NINJ2: variants seen among roughly 807,000 people sequenced by gnomAD.
NINJ2 encodes ninjurin 2.
In NINJ2, 12 loss-of-function variants were observed where a neutral mutation model predicts 11.7. The ratio of observed to expected loss-of-function variants is 1.02; its 90% CI spans 0.66 to 1.66. NINJ2 has a LOEUF of 1.66. Among genes scored for constraint, NINJ2 ranks in the 40% most tolerant of loss-of-function variants. NINJ2 has a pLI of 0.00. For missense variants in NINJ2, 187 were observed against 181.8 expected (o/e 1.03, Z -0.16); for synonymous variants, 93 against 76.8 (o/e 1.21, Z -1.10).
At chr12:576,134 A>C (rs1372957595) in intron 1 of NINJ2, among the ~76,000 whole-genome samples, 2 of 152,210 alleles carry the variant, frequency 1.3e-5, no homozygotes, top group Non-Finnish European at 2.9e-5. Context: ...ACTGGTCCAG[A>C]AACCGCCTCT....
rs141556007 is a variant in NINJ2 at position 565,381 on chromosome 12, C to T, written c.283G>A (p.Val95Ile). The T allele has an allele frequency of 4.0e-4, 639 of 1,614,138 alleles. 1 individual carries two copies. The highest frequency in any genetic ancestry group is 5.0e-4 in the Non-Finnish European group (585 of 1,180,022). The change falls in exon 3 of 4, where the codon GTA (valine) becomes ATA (isoleucine). Residue 95 changes from valine to isoleucine, a missense_variant. Transcript: ENST00000305108. ...TGGTTGAGTCGCCACTGCTTTTCTA[C>T]CTCATTCAGGTTCAGCCGTGCTGCA... The part of the protein sequence containing the change: ...VVIARLNLNE[V>I]EKQWRLNQLN...
intron 1 of NINJ2, among the ~76,000 whole-genome samples, chr12:624,124 G>T (rs540117623): frequency 1.3e-5 from 2 of 152,022 alleles, no homozygotes; most frequent in Non-Finnish European, 2.9e-5. Flanking sequence ...TGAACTCTAC[G>T]TCCCATCCTC....
intron 1 of NINJ2, among the ~76,000 whole-genome samples, chr12:623,399 G>C (rs1292369724): frequency 6.6e-6 from 1 of 152,162 alleles, no homozygotes; most frequent in Non-Finnish European, 1.5e-5. Flanking sequence ...CTTTCCCCAG[G>C]GTTCCTGCCC....
intron 1 of NINJ2, among the ~76,000 whole-genome samples, chr12:598,659 A>G (rs1304900138): frequency 5.9e-5 from 9 of 152,218 alleles, no homozygotes; most frequent in Admixed American, 2.0e-4. Flanking sequence ...AGAATTAAGG[A>G]AAATTTTAAT....
At chr12:611,327 CTTTCT>C (rs1187471223) in intron 1 of NINJ2, among the ~76,000 whole-genome samples, 1 of 145,270 alleles carries the variant, frequency 6.9e-6, no homozygotes, top group South Asian at 2.2e-4. Context: ...CTCTCTCTTT[CTTTCT>C]TTTCTTCTTT....
intron 1 of NINJ2, among the ~76,000 whole-genome samples, chr12:599,899 G>A (rs746077249): frequency 1.3e-5 from 2 of 152,140 alleles, no homozygotes; most frequent in African/African-American, 2.4e-5. Context: ...AGGAGTAGCC[G>A]TGCACTCAGG....
At chr12:637,865 C>T (rs1948371658) in intron 1 of NINJ2, among the ~76,000 whole-genome samples, 1 of 152,058 alleles carries the variant, frequency 6.6e-6, no homozygotes, top group South Asian at 2.1e-4. Flanking sequence ...ACAGAATGTC[C>T]CCACCTCGGC....
chr12:624,198 A>G (rs1027646887), intron 1 of NINJ2, among the ~76,000 whole-genome samples: 1 of 152,156 alleles, frequency 6.6e-6, no homozygotes, highest in Admixed American at 6.5e-5. Context: ...ACTGGGTTCA[A>G]TCCTATCTGA....
In NINJ2 at chr12:575,745, CA is replaced by C. The variant is rs1378831537; in HGVS notation, c.34-9568del. On this transcript the variant is annotated intron_variant, in intron 1 of 3. Coordinates refer to ENST00000305108, the MANE Select transcript of NINJ2 (RefSeq NM_016533.6). ...TTGAATTTTTATGAGACAGCTTTTT[CA>C]AAAAAGGCAAAAGTAAGGCTCTTTA... Among the ~76,000 whole-genome samples, 3 of 152,172 alleles carry C rather than the reference CA, an allele frequency of 2.0e-5. No homozygotes were observed. In the East Asian group the frequency reaches 5.8e-4, roughly 29 times the overall value.
At position 662,736 on chromosome 12, in the gene NINJ2, ATG is replaced by A. The variant is rs1212067994; in HGVS notation, c.33+590_33+591del. ...CTCCAGCAGTGGACTGGAACCTCTG[ATG>A]CCTTCCAAGCCCATCCCAGCTACAG... On this transcript the variant is annotated intron_variant, in intron 1 of 3. Transcript: ENST00000305108. 2.0e-5 allele frequency among the ~76,000 whole-genome samples: 3 copies of A among 152,238 alleles called. No homozygotes were observed. The South Asian group carries it at 6.2e-4, about 32-fold the overall frequency.
intron 1 of NINJ2, among the ~76,000 whole-genome samples, chr12:573,409 A>C (rs1231087691): frequency 6.6e-6 from 1 of 152,080 alleles, no homozygotes; most frequent in Admixed American, 6.6e-5. Flanking sequence ...TTAAGATTGA[A>C]AGATAAACAC....
chr12:648,525 T>C (rs1447346631), intron 1 of NINJ2, among the ~76,000 whole-genome samples: 1 of 152,228 alleles, frequency 6.6e-6, no homozygotes, highest in Non-Finnish European at 1.5e-5. Context: ...TCATCGGGGA[T>C]GAACTGACCG....
At position 615,544 on chromosome 12, in the gene NINJ2, C is replaced by T. The variant is rs570330749; in HGVS notation, c.33+47784G>A. 4.6e-5 allele frequency among the ~76,000 whole-genome samples: 7 copies of T among 152,286 alleles called. No individual in the cohort carries two copies. The South Asian group carries it at 1.5e-3, about 32-fold the overall frequency. On this transcript the variant is annotated intron_variant, in intron 1 of 3. Transcript: ENST00000305108. ...CGGAGGTTGCAGTGAGCCGAGATCA[C>T]ACCATTGCACTCTAGCCCCGGGCGA...
chr12:567,398 T>C (rs1947316029), intron 1 of NINJ2, among the ~76,000 whole-genome samples: 1 of 152,126 alleles, frequency 6.6e-6, no homozygotes, highest in African/African-American at 2.4e-5. Flanking sequence ...TCGTAATTTG[T>C]TTTTAATTTT....
intron 1 of NINJ2, among the ~76,000 whole-genome samples, chr12:647,539 G>A (rs537460718): frequency 3.3e-5 from 5 of 152,088 alleles, no homozygotes; most frequent in Non-Finnish European, 7.4e-5. Context: ...CTCCTCCCTG[G>A]CACCTGCTCC....
intron 1 of NINJ2, among the ~76,000 whole-genome samples, chr12:660,279 T>G (rs1336625784): frequency 3.4e-5 from 4 of 118,888 alleles, no homozygotes; most frequent in Non-Finnish European, 5.0e-5. Context: ...CACAGCAAGA[T>G]CCTGTCTGTT....
chr12:570,513 G>C (rs1213162656), intron 1 of NINJ2, among the ~76,000 whole-genome samples: 1 of 152,218 alleles, frequency 6.6e-6, no homozygotes, highest in Non-Finnish European at 1.5e-5. Flanking sequence ...GCAGCAGGGT[G>C]GCCCCCGCTC....
chr12:579,495 AAAAACAAAACAAAACAAAC>A (rs950647738), intron 1 of NINJ2, among the ~76,000 whole-genome samples: 1 of 138,506 alleles, frequency 7.2e-6, no homozygotes, highest in Non-Finnish European at 1.5e-5. Context: ...AAAACAAAAC[AAAAACAAAACAAAACAAAC>A]AAAACAAAAC....
Position 614,219 on chromosome 12 carries a change from C to T in NINJ2, c.34-48041G>A, listed in dbSNP as rs1948066604. 6.6e-6 allele frequency among the ~76,000 whole-genome samples: 1 copy of T among 152,216 alleles called. No homozygotes were observed. Among genetic ancestry groups the T allele is most frequent in the South Asian group, 2.1e-4 (1 of 4,836 alleles). ...CCAGCCTTCTCCACAGGCACCTGCTCAGCTTGGTTTGGGTCCATGGGTATT... is the reference window on the plus strand; with the variant it reads ...CCAGCCTTCTCCACAGGCACCTGCTTAGCTTGGTTTGGGTCCATGGGTATT... On this transcript the variant is annotated intron_variant, in intron 1 of 3. Transcript: ENST00000305108. The surrounding 1 kb of genome is among the most constrained non-coding windows in gnomAD (Gnocchi z 5.1).
Sources: gnomAD v4.1 joint callset for allele counts (sites outside exome capture counted in the v4.1 genomes callset) on GRCh38, gnomAD v4.1.1 for gene constraint, Gnocchi (gnomAD v3.1) non-coding constraint, MANE v1.5 for transcripts, NCBI Gene and HGNC (gene_info 2026-07-23, HGNC 2026-07-21) for gene names.